The following ZNF16 variants were observed in gnomAD, a reference collection of about 807,000 sequenced individuals.
ZNF16 encodes zinc finger protein 16, also known as zinc finger protein KOX9.
Under a neutral mutation model 9.0 loss-of-function variants are expected in ZNF16, and 7 were observed. The ratio of observed to expected loss-of-function variants is 0.78; its 90% confidence interval spans 0.44 to 1.47. The LOEUF is 1.47. ZNF16 is among the 40% of genes most tolerant of loss of function. ZNF16 has a pLI of 0.01. For synonymous variants in ZNF16, 312 were observed against 301.5 expected, an observed-to-expected ratio of 1.03 and a Z score of -0.36; for missense variants, 830 against 854.2, an observed-to-expected ratio of 0.97 and a Z score of 0.35.
At chr8:144,945,768 G>A (rs1343506922) in intron 2 of ZNF16, 6 of 631,640 alleles carry the variant, frequency 9.5e-6, no homozygotes, top group Middle Eastern at 4.7e-4. Flanking sequence ...ATCAAAGGAC[G>A]CTGGTGGCCA....
rs1833597665 is a variant in ZNF16 at position 144,933,122 on chromosome 8, C to G, written c.197-532G>C. Among the ~76,000 whole-genome samples, 1 of 152,212 alleles carries G rather than the reference C, an allele frequency of 6.6e-6. No individual in the cohort carries two copies. The highest frequency in any genetic ancestry group is 2.4e-5 in the African/African-American group (1 of 41,462). Reference sequence around the variant, plus strand: ...GTTCTGTCAGTGCATGCTAATGGCACTGAGCTTGGTCTTAGGAGTCACTAG... The same window carrying G: ...GTTCTGTCAGTGCATGCTAATGGCAGTGAGCTTGGTCTTAGGAGTCACTAG... On this transcript the variant is annotated intron_variant, in intron 2 of 2. Transcript: ENST00000394909. The surrounding 1 kb of genome is among the most constrained non-coding windows in gnomAD (Gnocchi z 5.6).
intron 2 of ZNF16, among the ~76,000 whole-genome samples, chr8:144,943,493 G>C (rs955528645): frequency 2.6e-5 from 4 of 151,524 alleles, no homozygotes; most frequent in Non-Finnish European, 5.9e-5. Flanking sequence ...ACTTGATGGT[G>C]TCTCATGGTC....
intron 1 of ZNF16, chr8:144,948,489 A>C (rs1834015894): frequency 6.6e-6 from 1 of 152,226 alleles, no homozygotes; most frequent in Non-Finnish European, 1.5e-5. Context: ...TCCCCATCCA[A>C]GTGGTGATGT....
intron 2 of ZNF16, among the ~76,000 whole-genome samples, chr8:144,940,278 A>T (rs1318548494): frequency 6.6e-6 from 1 of 152,002 alleles, no homozygotes; most frequent in East Asian, 1.9e-4. Flanking sequence ...TGGGGTCTCA[A>T]CCATGTTGCC....
At chr8:144,943,277 T>G (rs1486106430) in intron 2 of ZNF16, among the ~76,000 whole-genome samples, 3 of 152,184 alleles carry the variant, frequency 2.0e-5, no homozygotes, top group African/African-American at 7.2e-5. Context: ...CTTTCAAGAT[T>G]CCTTGTATTT....
intron 2 of ZNF16, among the ~76,000 whole-genome samples, chr8:144,943,196 G>C (rs1382358444): frequency 6.6e-6 from 1 of 152,136 alleles, no homozygotes; most frequent in Non-Finnish European, 1.5e-5. Flanking sequence ...ACCTCCATGG[G>C]TTCTGATGAA....
Position 144,931,297 on chromosome 8 carries a change from G to T in ZNF16, c.1490C>A (p.Ala497Asp). 1.2e-6 allele frequency: 2 copies of T among 1,614,224 alleles called. No homozygotes were observed. Among genetic ancestry groups the T allele is most frequent in the Non-Finnish European group, 1.7e-6 (2 of 1,180,044 alleles). ...KPYRCSVCGK[A>D]FSHSSALIQH... ...AATGAGGGCTGAGCTGTGGCTGAAGGCCTTCCCACAGACACTGCATCTGTA... is the reference window on the plus strand; with the variant it reads ...AATGAGGGCTGAGCTGTGGCTGAAGTCCTTCCCACAGACACTGCATCTGTA... The change falls in exon 3 of 3, where the codon GCC becomes GAC. Residue 497 changes from alanine to aspartate, a missense_variant. Coordinates refer to ENST00000394909, the MANE Select transcript of ZNF16 (RefSeq NM_006958.3).
In ZNF16 at chr8:144,946,659, A is replaced by G. The variant is rs79046778; in HGVS notation, c.-9-444T>C. The stretch of plus-strand genomic sequence containing the variant: ...TGTCCTGCTGTTGGGCCTGTGTCCT[A>G]CTGTGGGCCTGTACCCTACTGTGGG... On this transcript the variant is annotated intron_variant, in intron 1 of 2. Coordinates refer to ENST00000394909, the MANE Select transcript of ZNF16 (RefSeq NM_006958.3). Among the ~76,000 whole-genome samples the G allele has an allele frequency of 6.7e-3, 447 of 66,958 alleles. 17 individuals are homozygous for G. Among genetic ancestry groups the G allele is most frequent in the African/African-American group, 0.017 (246 of 14,816 alleles). 43.9% of individuals were successfully genotyped at this position (66,958 alleles called of 152,430 possible). A position where few individuals can be genotyped will look rare whatever the true frequency, so the allele number is the denominator to read the frequency against.
intron 2 of ZNF16, among the ~76,000 whole-genome samples, chr8:144,937,137 CTCTCTCTTTTTTTTT>C (rs1833702364): frequency 8.9e-6 from 1 of 112,992 alleles, no homozygotes; most frequent in Admixed American, 8.8e-5. Flanking sequence ...CACTTTCTTT[CTCTCTCTTTTTTTTT>C]TTTTTTTTTT....
intron 2 of ZNF16, chr8:144,944,108 T>C (rs1451433072): frequency 6.6e-6 from 1 of 151,092 alleles, no homozygotes; most frequent in African/African-American, 2.4e-5. Flanking sequence ...TCTCACTCTG[T>C]CACCCACGCT....
In ZNF16 at chr8:144,936,735, A is replaced by G. The variant is rs1419937401; in HGVS notation, c.197-4145T>C. On this transcript the variant is annotated intron_variant, in intron 2 of 2. Coordinates refer to ENST00000394909, the MANE Select transcript of ZNF16 (RefSeq NM_006958.3). ...TTGCCCCTTATTTATTTATTTATTTATTTATTTATGAGACAGAGTCTTGCT... is the reference window on the plus strand; with the variant it reads ...TTGCCCCTTATTTATTTATTTATTTGTTTATTTATGAGACAGAGTCTTGCT... Among the ~76,000 whole-genome samples, 10 of 151,798 alleles carry G rather than the reference A, an allele frequency of 6.6e-5. No individual in the cohort carries two copies. In the East Asian group the frequency reaches 1.9e-3, roughly 29 times the overall value.
At chr8:144,948,017 C>T (rs577137812) in intron 1 of ZNF16, 2 of 152,694 alleles carry the variant, frequency 1.3e-5, no homozygotes, top group Admixed American at 1.3e-4. Flanking sequence ...AGGGTGTGGT[C>T]AAGGGGATCT....
intron 2 of ZNF16, among the ~76,000 whole-genome samples, chr8:144,941,827 T>A (rs1221063338): frequency 2.0e-5 from 3 of 150,474 alleles, no homozygotes; most frequent in South Asian, 4.2e-4. Context: ...CCCGGCTAAT[T>A]TTTTGTATTT....
At position 144,932,300 on chromosome 8, in the gene ZNF16, T is replaced by C. The variant is rs1466258697; in HGVS notation, c.487A>G (p.Ser163Gly). 2 of 1,614,088 alleles carry C rather than the reference T, an allele frequency of 1.2e-6. No individual in the cohort carries two copies. Among genetic ancestry groups the C allele is most frequent in the Admixed American group, 3.3e-5 (2 of 60,010 alleles). The change falls in exon 3 of 3, where the codon AGT becomes GGT. Residue 163 changes from serine (S) to glycine (G), a missense_variant. By Grantham distance (56) the Ser-to-Gly change is moderately conservative. Coordinates refer to ENST00000394909, the MANE Select transcript of ZNF16 (RefSeq NM_006958.3). This position sits in a 1 kb window ranked among gnomAD's most constrained non-coding sequence, Gnocchi z 5.0. ...LDCNGFDSRF[S>G]LSPNLMACQE... ...CATGCCATCAGGTTTGGGCTCAGAC[T>C]GAAGCGACTGTCAAAACCATTACAG...
Position 144,950,792 on chromosome 8 carries a change from C to G in ZNF16, c.-10+5G>C, listed in dbSNP as rs1319958722. 1.3e-5 allele frequency: 2 copies of G among 152,252 alleles called. No individual in the cohort carries two copies. The highest frequency in any genetic ancestry group is 1.3e-4 in the Admixed American group (2 of 15,290). The allele number at this position is 152,252 out of a possible 1,614,324, so 9.4% of individuals were successfully genotyped here. A position where few individuals can be genotyped will look rare whatever the true frequency, so the allele number is the denominator to read the frequency against. On this transcript the variant is annotated splice_donor_5th_base_variant and intron_variant, in intron 1 of 2. Transcript: ENST00000394909. Reference sequence around the variant, plus strand: ...GTCCCAGGCGTGGAGCTTCGCGGAACTAACCTCAACGGGTCGCGCTTGGAA... The same window carrying G: ...GTCCCAGGCGTGGAGCTTCGCGGAAGTAACCTCAACGGGTCGCGCTTGGAA...
chr8:144,947,202 G>T, intron 1 of ZNF16, among the ~76,000 whole-genome samples: 1 of 134,130 alleles, frequency 7.5e-6, no homozygotes, highest in Admixed American at 7.7e-5. Context: ...CCTGTGTCCT[G>T]CTGTTGGGCT....
At chr8:144,942,041 G>C (rs375084099) in intron 2 of ZNF16, among the ~76,000 whole-genome samples, 2 of 138,208 alleles carry the variant, frequency 1.4e-5, no homozygotes. Flanking sequence ...GCAGTGGCGC[G>C]ATCTTGGCTC....
At chr8:144,949,198 C>T (rs7824142) in intron 1 of ZNF16, among the ~76,000 whole-genome samples, 6,947 of 152,364 alleles carry the variant, frequency 0.046, 207 homozygotes, top group Admixed American at 0.084. Flanking sequence ...CCTGGCCGAT[C>T]CCTCAGCACC....
intron 1 of ZNF16, among the ~76,000 whole-genome samples, chr8:144,946,545 C>CCG (rs2130054596): frequency 7.8e-6 from 1 of 127,868 alleles, no homozygotes; most frequent in African/African-American, 3.1e-5. Context: ...GGCCTGTGTA[C>CCG]TGCTGTGGGG....
Sources: allele counts gnomAD v4.1 joint callset (sites outside exome capture counted in the v4.1 genomes callset), GRCh38; gene constraint gnomAD v4.1.1; non-coding constraint Gnocchi (gnomAD v3.1); transcripts MANE v1.5; gene names NCBI Gene and HGNC (gene_info 2026-07-23, HGNC 2026-07-21).